OSBPL9: variants seen among roughly 807,000 people sequenced by gnomAD.
OSBPL9 encodes the protein oxysterol binding protein like 9.
Under a neutral mutation model 106.6 loss-of-function variants are expected in OSBPL9, and 40 were observed. The observed-to-expected ratio is 0.38, with a 90% confidence interval of 0.29 to 0.49. The LOEUF (loss-of-function observed/expected upper bound fraction) is 0.49, where lower values mean the gene tolerates loss of function less well. OSBPL9 is among the 20% of genes least tolerant of loss of function. OSBPL9 has a pLI of 0.97. For synonymous variants in OSBPL9, 269 were observed against 295.4 expected, an observed-to-expected ratio of 0.91 and a Z score of 0.92; for missense variants, 609 against 887.2, an observed-to-expected ratio of 0.69 and a Z score of 3.98.
chr1:51,603,753 A>T (rs965107834), intron 2 of OSBPL9, among the ~76,000 whole-genome samples: 7 of 152,240 alleles, frequency 4.6e-5, no homozygotes, highest in African/African-American at 1.7e-4. Flanking sequence ...TGGTGTATGT[A>T]GTAGAAAAAG....
At chr1:51,617,030 C>T (rs920547566), upstream of OSBPL9, 26 of 1,483,308 alleles carry the variant, frequency 1.8e-5, no homozygotes, top group Non-Finnish European at 2.1e-5. Context: ...CGCCCCGCCC[C>T]CTGCGGCCCC....
In OSBPL9 at chr1:51,788,148, C is replaced by T; in HGVS notation, c.*359C>T. Reference sequence around the variant, plus strand: ...CAACTTGTTTCTTAGTTCATATAATCTCGGGATACACACACACACACACAT... The same window carrying T: ...CAACTTGTTTCTTAGTTCATATAATTTCGGGATACACACACACACACACAT... On this transcript the variant is annotated 3_prime_UTR_variant, in exon 24 of 24. Coordinates refer to ENST00000428468, the MANE Select transcript of OSBPL9 (RefSeq NM_024586.6). The T allele has an allele frequency of 4.0e-6, 1 of 249,928 alleles. No individual in the cohort carries two copies. The highest frequency in any genetic ancestry group is 7.8e-6 in the Non-Finnish European group (1 of 128,150). 15.5% of individuals were successfully genotyped at this position (249,928 alleles called of 1,614,324 possible).
chr1:51,520,583 G>A, the OSBPL9 span, among the ~76,000 whole-genome samples: 2 of 152,166 alleles, frequency 1.3e-5, no homozygotes, highest in African/African-American at 4.8e-5. Flanking sequence ...GTATTTGCCC[G>A]AATTGGTCTT....
chr1:51,620,403 C>T (rs761068932), intron 1 of OSBPL9, among the ~76,000 whole-genome samples: 3 of 151,818 alleles, frequency 2.0e-5, no homozygotes, highest in African/African-American at 7.3e-5. Context: ...AATTGTTCAT[C>T]CTCTCATGGT....
At chr1:51,739,107 C>T (rs564683165) in intron 4 of OSBPL9, among the ~76,000 whole-genome samples, 2 of 152,024 alleles carry the variant, frequency 1.3e-5, no homozygotes, top group South Asian at 2.1e-4. Context: ...AAGCTGTGCT[C>T]GTTTCCACTA....
At chr1:51,643,200 C>A (rs1301008673) in intron 1 of OSBPL9, among the ~76,000 whole-genome samples, 1 of 152,078 alleles carries the variant, frequency 6.6e-6, no homozygotes, top group Non-Finnish European at 1.5e-5. Context: ...ACAGAGTCCT[C>A]ATTAATCTAT....
intron 3 of OSBPL9, among the ~76,000 whole-genome samples, chr1:51,684,243 A>C (rs1653246957): frequency 1.3e-5 from 2 of 152,146 alleles, no homozygotes; most frequent in African/African-American, 4.8e-5. Flanking sequence ...TCCTGGCCTC[A>C]AGTGATTCTC....
chr1:51,618,506 A>G (rs935938083), intron 1 of OSBPL9, among the ~76,000 whole-genome samples: 1 of 152,234 alleles, frequency 6.6e-6, no homozygotes, highest in East Asian at 1.9e-4. Context: ...TTAGAAAATA[A>G]TAGAAGACAG....
At chr1:51,731,145 G>C (rs1664300119) in intron 4 of OSBPL9, among the ~76,000 whole-genome samples, 1 of 151,572 alleles carries the variant, frequency 6.6e-6, no homozygotes, top group South Asian at 2.1e-4. Flanking sequence ...ATGATTAAAA[G>C]TCAGATTTGG....
chr1:51,758,823 G>A (rs557426189), intron 9 of OSBPL9, among the ~76,000 whole-genome samples: 2 of 152,182 alleles, frequency 1.3e-5, no homozygotes, highest in Non-Finnish European at 2.9e-5. Context: ...AGTTATTTTC[G>A]AGAAAAGCGC....
intron 3 of OSBPL9, among the ~76,000 whole-genome samples, chr1:51,700,157 A>AGCCT (rs1395785586): frequency 6.6e-6 from 1 of 152,204 alleles, no homozygotes; most frequent in Admixed American, 6.5e-5. Flanking sequence ...TGCCATGCGG[A>AGCCT]GCCTGTTCAC....
chr1:51,747,459 A>G (rs1668221300), intron 6 of OSBPL9, among the ~76,000 whole-genome samples: 2 of 149,430 alleles, frequency 1.3e-5, no homozygotes, highest in African/African-American at 4.9e-5. Flanking sequence ...TGCTTTAATT[A>G]TGGTTCTGCT....
chr1:51,593,347 C>A (rs1472690978), intron 1 of OSBPL9, among the ~76,000 whole-genome samples: 1 of 152,122 alleles, frequency 6.6e-6, no homozygotes, highest in African/African-American at 2.4e-5. Context: ...TTTCTAATAC[C>A]CAGGTCAGAT....
chr1:51,606,128 G>A (rs1168829927), intron 2 of OSBPL9, among the ~76,000 whole-genome samples: 2 of 152,252 alleles, frequency 1.3e-5, no homozygotes, highest in African/African-American at 4.8e-5. Context: ...CCAAGCTACT[G>A]TAGCAATCCA....
chr1:51,752,514 G>C (rs1669475597), intron 8 of OSBPL9: 2 of 455,930 alleles, frequency 4.4e-6, no homozygotes, highest in Non-Finnish European at 4.4e-6. Context: ...GTACAATCTT[G>C]GTGAGGAATT....
chr1:51,731,889 C>T (rs1378526287), intron 4 of OSBPL9, among the ~76,000 whole-genome samples: 1 of 152,146 alleles, frequency 6.6e-6, no homozygotes, highest in Non-Finnish European at 1.5e-5. Flanking sequence ...ACAAAGTGCC[C>T]TGAGTTTGGC....
intron 3 of OSBPL9, among the ~76,000 whole-genome samples, chr1:51,672,109 C>T (rs1650018439): frequency 6.6e-6 from 1 of 152,014 alleles, no homozygotes. Flanking sequence ...GATAAAAGGC[C>T]ATTAGAAGGT....
intron 2 of OSBPL9, among the ~76,000 whole-genome samples, chr1:51,603,868 A>G (rs1643912496): frequency 6.6e-6 from 1 of 152,148 alleles, no homozygotes; most frequent in Non-Finnish European, 1.5e-5. Context: ...GATAGTCAAT[A>G]ATGTATACAT....
intron 2 of OSBPL9, among the ~76,000 whole-genome samples, chr1:51,606,724 TTACAAG>T (rs1212265150): frequency 6.6e-6 from 1 of 152,222 alleles, no homozygotes; most frequent in Non-Finnish European, 1.5e-5. Flanking sequence ...TTTTAAGTAG[TTACAAG>T]TACAATGTCT....
Sources: gnomAD v4.1 joint callset for allele counts (sites outside exome capture counted in the v4.1 genomes callset) on GRCh38, gnomAD v4.1.1 for gene constraint, MANE v1.5 for transcripts, NCBI Gene and HGNC (gene_info 2026-07-23, HGNC 2026-07-21) for gene names.